The following EYA1 variants were observed in gnomAD, a reference collection of about 807,000 sequenced individuals.
EYA1 encodes the protein EYA transcriptional coactivator and phosphatase 1.
EYA1 carries 16 observed loss-of-function variants against 82.0 expected under a neutral mutation model. The observed-to-expected ratio is 0.20, with a 90% CI of 0.13 to 0.30. The LOEUF is 0.30. Among genes scored for constraint, EYA1 ranks in the 10% least tolerant of loss-of-function variants. EYA1 has a pLI of 1.00. For synonymous variants in EYA1, 261 were observed against 264.4 expected, an observed-to-expected ratio of 0.99 and a Z score of 0.12; for missense variants, 633 against 730.7, an observed-to-expected ratio of 0.87 and a Z score of 1.54.
chr8:71,223,327 A>T (rs995527159), intron 12 of EYA1, among the ~76,000 whole-genome samples: 2 of 152,168 alleles, frequency 1.3e-5, no homozygotes, highest in Non-Finnish European at 2.9e-5. Flanking sequence ...CCACAACAGG[A>T]TCCTACAAGC....
chr8:71,455,134 C>CA (rs1391361903), intron 2 of EYA1, among the ~76,000 whole-genome samples: 1 of 152,130 alleles, frequency 6.6e-6, no homozygotes, highest in African/African-American at 2.4e-5. Context: ...AATACCTCTA[C>CA]ACAAATAAAC....
chr8:71,278,092 TC>T (rs1817409184), intron 9 of EYA1, among the ~76,000 whole-genome samples: 1 of 152,320 alleles, frequency 6.6e-6, no homozygotes, highest in East Asian at 1.9e-4. Flanking sequence ...TTCCATTTTT[TC>T]CTCAGTTCCC....
chr8:71,454,194 T>G (rs562350377), intron 2 of EYA1, among the ~76,000 whole-genome samples: 2 of 152,172 alleles, frequency 1.3e-5, no homozygotes, highest in South Asian at 4.2e-4. Context: ...ATAATGGTAA[T>G]GGGATCAATT....
Position 71,284,116 on chromosome 8 carries a change from G to C in EYA1, c.827-12219C>G, listed in dbSNP as rs991367569. On this transcript the variant is annotated intron_variant, in intron 9 of 17. Coordinates refer to ENST00000340726, the MANE Select transcript of EYA1 (RefSeq NM_000503.6). Reference sequence around the variant, plus strand: ...GTCTCACTTGTCAATGAGGAGGCCAGAGACAGGCTGTGCAGCCTCTGATGG... The same window carrying C: ...GTCTCACTTGTCAATGAGGAGGCCACAGACAGGCTGTGCAGCCTCTGATGG... Among the ~76,000 whole-genome samples the C allele has an allele frequency of 4.6e-5, 7 of 152,296 alleles. No homozygotes were observed. The East Asian group carries it at 9.7e-4, about 21-fold the overall frequency.
intron 2 of EYA1, among the ~76,000 whole-genome samples, chr8:71,492,482 T>G (rs1169183714): frequency 6.6e-6 from 1 of 151,200 alleles, no homozygotes; most frequent in Non-Finnish European, 1.5e-5. Flanking sequence ...TTTTTTTTTT[T>G]GAGACGGAGT....
intron 2 of EYA1, among the ~76,000 whole-genome samples, chr8:71,398,200 T>C (rs1021937086): frequency 3.9e-5 from 6 of 152,210 alleles, no homozygotes. Context: ...CTAATCTTTT[T>C]CCAAGGTTTT....
At chr8:71,316,390 T>G (rs892064089) in intron 7 of EYA1, among the ~76,000 whole-genome samples, 3 of 152,128 alleles carry the variant, frequency 2.0e-5, no homozygotes, top group African/African-American at 7.2e-5. Context: ...AGGGAATTAG[T>G]CAAGTAAGAT....
chr8:71,501,884 T>C (rs1031613472), intron 2 of EYA1, among the ~76,000 whole-genome samples: 4 of 152,236 alleles, frequency 2.6e-5, no homozygotes, highest in Non-Finnish European at 1.5e-5. Context: ...TAAACTTATA[T>C]TGTGGTGTGT....
At chr8:71,257,177 A>C (rs1363540383) in intron 11 of EYA1, among the ~76,000 whole-genome samples, 1 of 152,152 alleles carries the variant, frequency 6.6e-6, no homozygotes, top group Non-Finnish European at 1.5e-5. Context: ...CAAATTAAAT[A>C]ATGTGATATC....
At chr8:71,478,872 T>C (rs368470382) in intron 2 of EYA1, among the ~76,000 whole-genome samples, 55 of 152,320 alleles carry the variant, frequency 3.6e-4, no homozygotes, top group African/African-American at 1.3e-3. Context: ...TTGCCATTTT[T>C]ATCCATCCAT....
At chr8:71,394,431 C>A (rs1270083355) in intron 2 of EYA1, among the ~76,000 whole-genome samples, 2 of 152,158 alleles carry the variant, frequency 1.3e-5, no homozygotes, top group Non-Finnish European at 2.9e-5. Flanking sequence ...TTAGGTCTAA[C>A]ATTTAAGTCT....
chr8:71,430,361 C>G (rs1805529421), intron 2 of EYA1, among the ~76,000 whole-genome samples: 1 of 152,162 alleles, frequency 6.6e-6, no homozygotes, highest in Non-Finnish European at 1.5e-5. Context: ...GAGTCACACA[C>G]AGACAGTCAG....
At chr8:71,322,550 T>C in intron 4 of EYA1, 2 of 431,496 alleles carry the variant, frequency 4.6e-6, no homozygotes, top group South Asian at 4.3e-5. Context: ...GCTGTGAGTT[T>C]TTACAGTGGC....
rs562269826 is a variant in EYA1 at position 71,393,291 on chromosome 8, TTTA to T, written c.34-36783_34-36781del. On this transcript the variant is annotated intron_variant, in intron 2 of 18. Coordinates refer to the EYA1 transcript ENST00000643681. ...CTTATAATTGCTTAAGTAATTTTCT[TTTA>T]TTATTATTATTATTATTATACTTTA... Among the ~76,000 whole-genome samples, 473 of 151,172 alleles carry T rather than the reference TTTA, an allele frequency of 3.1e-3. 2 individuals are homozygous for T. Among genetic ancestry groups the T allele is most frequent in the African/African-American group, 9.7e-3 (399 of 41,342 alleles).
chr8:71,280,959 C>G (rs1313539947), intron 9 of EYA1, among the ~76,000 whole-genome samples: 4 of 152,118 alleles, frequency 2.6e-5, no homozygotes, highest in Non-Finnish European at 4.4e-5. Context: ...GGTTCCGCCA[C>G]GTTGCCAGGC....
At chr8:71,268,179 T>C (rs1283724006) in intron 11 of EYA1, among the ~76,000 whole-genome samples, 1 of 149,064 alleles carries the variant, frequency 6.7e-6, no homozygotes, top group East Asian at 2.4e-4. Context: ...TAGATAACTC[T>C]CTTTTGCGTC....
At chr8:71,233,162 A>G (rs965206805) in intron 12 of EYA1, among the ~76,000 whole-genome samples, 3 of 152,242 alleles carry the variant, frequency 2.0e-5, no homozygotes, top group Non-Finnish European at 4.4e-5. Context: ...TAATTATAAG[A>G]AACATTACAT....
At position 71,269,740 on chromosome 8, in the gene EYA1, C is replaced by T; in HGVS notation, c.1050G>A (p.Arg350=). ...AAAACTGATGCCTCTTGGTACTCAC[C>T]CTCCCATATCTGTTGGCGTAGGACC... ...LTGSYANRYG[R]DPPTSVSLGL... Residue 350 remains arginine (R), a splice_region_variant and synonymous_variant, in exon 11 of 18, where the codon AGG becomes AGA. Transcript: ENST00000340726. 6.2e-7 allele frequency: 1 copy of T among 1,611,912 alleles called. No homozygotes were observed. Among genetic ancestry groups the T allele is most frequent in the Admixed American group, 1.7e-5 (1 of 59,984 alleles).
chr8:71,534,657 A>C (rs1235999328), intron 2 of EYA1, among the ~76,000 whole-genome samples: 1 of 152,192 alleles, frequency 6.6e-6, no homozygotes, highest in Non-Finnish European at 1.5e-5. Flanking sequence ...CAGGAACAGA[A>C]AACGAAACAC....
Sources: allele counts gnomAD v4.1 joint callset (sites outside exome capture counted in the v4.1 genomes callset), GRCh38; gene constraint gnomAD v4.1.1; transcripts MANE v1.5; gene names NCBI Gene and HGNC (gene_info 2026-07-23, HGNC 2026-07-21).